Variants in SYNE2 observed in about 807,000 individuals in gnomAD.
SYNE2 encodes spectrin repeat containing nuclear envelope protein 2, also known as nesprin-2.
In SYNE2, 431 loss-of-function variants were observed where a neutral mutation model predicts 856.3. The ratio of observed to expected loss-of-function variants is 0.50; its 90% CI spans 0.47 to 0.55. SYNE2 has a LOEUF of 0.55. SYNE2 is among the 20% of genes least tolerant of loss of function. The pLI, the probability that SYNE2 is intolerant of heterozygous loss-of-function variation, is 0.00. For synonymous variants in SYNE2, 2,923 were observed against 2,872.3 expected, an observed-to-expected ratio of 1.02 and a Z score of -0.56; for missense variants, 8,129 against 8,023.2, an observed-to-expected ratio of 1.01 and a Z score of -0.50.
At position 64,006,564 on chromosome 14, in the gene SYNE2, C is replaced by T. The variant is rs538335930; in HGVS notation, c.4398-479C>T. Among the ~76,000 whole-genome samples, 3 of 152,278 alleles carry T rather than the reference C, an allele frequency of 2.0e-5. No homozygotes were observed. The East Asian group carries it at 5.8e-4, about 29-fold the overall frequency. On this transcript the variant is annotated intron_variant, in intron 30 of 115. Coordinates refer to ENST00000555002, the MANE Select transcript of SYNE2 (RefSeq NM_182914.3). ...GGAAATGCAGCCAGGCACGGTAGCT[C>T]ACACCTGTAATCCCAGCACTTTGGG...
intron 32 of SYNE2, among the ~76,000 whole-genome samples, chr14:64,014,331 T>A (rs1422782990): frequency 1.3e-5 from 2 of 152,188 alleles, no homozygotes; most frequent in Non-Finnish European, 2.9e-5. Context: ...CTGTAAACAT[T>A]TGTAAAGGAG....
intron 100 of SYNE2, chr14:64,204,372 A>C (rs2098595275): frequency 6.6e-6 from 1 of 152,214 alleles, no homozygotes. Flanking sequence ...CCTTGCAAAT[A>C]ACAATTTACC....
At position 64,062,777 on chromosome 14, in the gene SYNE2, G is replaced by A; in HGVS notation, c.10094G>A (p.Arg3365Lys). Residue 3365 changes from arginine to lysine, a missense_variant, in exon 50 of 116, where the codon AGA becomes AAA. This residue lies in a region of SYNE2 where 5,410 missense variants were observed against 5,284.8 expected (regional missense o/e 1.02). Coordinates refer to ENST00000555002, the MANE Select transcript of SYNE2 (RefSeq NM_182914.3). ...ERYLENYKCY[R>K]KMEEDIYTNL... ...TATCTTGAGAATTACAAATGCTATAGAAAAATGGAAGAGGATATTTACACT... is the reference window on the plus strand; with the variant it reads ...TATCTTGAGAATTACAAATGCTATAAAAAAATGGAAGAGGATATTTACACT... 1 of 1,613,878 alleles carries A rather than the reference G, an allele frequency of 6.2e-7. No individual in the cohort carries two copies. Among genetic ancestry groups the A allele is most frequent in the Non-Finnish European group, 8.5e-7 (1 of 1,179,834 alleles).
chr14:63,961,262 T>C (rs2096309969), intron 8 of SYNE2, among the ~76,000 whole-genome samples: 1 of 152,236 alleles, frequency 6.6e-6, no homozygotes, highest in African/African-American at 2.4e-5. Context: ...CCCATAGTGA[T>C]ACTTTATTAT....
chr14:64,052,372 T>C lies in SYNE2; in HGVS notation c.8459T>C (p.Leu2820Ser). The change falls in exon 48 of 116, where the codon TTA (leucine) becomes TCA (serine). Residue 2820 changes from leucine to serine, a missense_variant. By Grantham distance (145) the Leu-to-Ser change is moderately radical. This residue lies in a region of SYNE2 where 5,410 missense variants were observed against 5,284.8 expected (regional missense o/e 1.02). Coordinates refer to ENST00000555002, the MANE Select transcript of SYNE2 (RefSeq NM_182914.3). Reference protein sequence around the residue: ...DLRNQYQMLVLKSTQRSQQLE... With the variant: ...DLRNQYQMLVSKSTQRSQQLE... Reference sequence around the variant, plus strand: ...CGGAATCAATACCAAATGCTGGTTTTAAAATCAACTCAAAGATCACAGCAA... The same window carrying C: ...CGGAATCAATACCAAATGCTGGTTTCAAAATCAACTCAAAGATCACAGCAA... The C allele has an allele frequency of 6.2e-7, 1 of 1,614,174 alleles. No homozygotes were observed. Among genetic ancestry groups the C allele is most frequent in the South Asian group, 1.1e-5 (1 of 91,070 alleles).
At chr14:64,085,011 G>T (rs1400421335) in intron 57 of SYNE2, 1 of 702,206 alleles carries the variant, frequency 1.4e-6, no homozygotes, top group Non-Finnish European at 2.6e-6. Context: ...ATGGCAGCTG[G>T]CTTCCCTCAG....
At chr14:64,159,186 A>T in intron 86 of SYNE2, 126 bp from the exon 87 acceptor site, 1 of 1,296,254 alleles carries the variant, frequency 7.7e-7, no homozygotes, top group Non-Finnish European at 1.1e-6. Flanking sequence ...CACATTCCTA[A>T]TAGTTTATCA....
chr14:63,859,118 T>C (rs979361148), intron 1 of SYNE2, among the ~76,000 whole-genome samples: 1 of 152,112 alleles, frequency 6.6e-6, no homozygotes, highest in Non-Finnish European at 1.5e-5. Context: ...TTCCCAGCCA[T>C]CTACTGGGCA....
intron 92 of SYNE2, among the ~76,000 whole-genome samples, 196 bp from the exon 93 acceptor site, chr14:64,168,681 C>G (rs2098395503): frequency 6.6e-6 from 1 of 152,082 alleles, no homozygotes; most frequent in African/African-American, 2.4e-5. Context: ...ATTATTAGAC[C>G]TGTTTGCTTT....
rs2097904625 is a variant in SYNE2 at position 64,122,406 on chromosome 14, C to G, written c.13401C>G (p.Leu4467=). The stretch of plus-strand genomic sequence containing the variant: ...TCTCATCAAAAATAAAGCTCCCACT[C>G]CCTCAGCTTGTGGAGCCTCAGGTCA... The part of the protein sequence containing the change: ...HELSSKIKLP[L]PQLVEPQVST... Residue 4467 remains leucine (L), a synonymous_variant, in exon 70 of 116, where the codon CTC becomes CTG. Transcript: ENST00000555002. The G allele has an allele frequency of 6.2e-7, 1 of 1,614,174 alleles. No individual in the cohort carries two copies. Among genetic ancestry groups the G allele is most frequent in the East Asian group, 2.2e-5 (1 of 44,872 alleles).
At chr14:64,097,898 C>G (rs2097690333) in intron 61 of SYNE2, 51 bp from the exon 62 acceptor site, 2 of 1,588,796 alleles carry the variant, frequency 1.3e-6, no homozygotes, top group African/African-American at 1.3e-5. Context: ...TGCTCTGGGC[C>G]TGCAGAGGCC....
chr14:63,891,415 T>C (rs561927381), intron 1 of SYNE2, among the ~76,000 whole-genome samples: 4 of 152,092 alleles, frequency 2.6e-5, no homozygotes, highest in African/African-American at 9.7e-5. Flanking sequence ...ACAGGGGTTG[T>C]TAGTAAGGTT....
intron 1 of SYNE2, among the ~76,000 whole-genome samples, chr14:63,810,573 C>T (rs1010681011): frequency 2.0e-5 from 3 of 152,066 alleles, no homozygotes; most frequent in African/African-American, 7.2e-5. Context: ...CTGATGGGTT[C>T]ATGAAACTTA....
chr14:64,032,373 A>G (rs971313588), intron 45 of SYNE2, among the ~76,000 whole-genome samples: 1 of 152,120 alleles, frequency 6.6e-6, no homozygotes, highest in Non-Finnish European at 1.5e-5. Flanking sequence ...GCTGGGCAAC[A>G]TAGCAAGAAC....
chr14:64,031,065 T>C lies in SYNE2; in HGVS notation c.6929T>C (p.Leu2310Ser). ...CAAGATGGCACATTAAAGAAGATTTTAGCTTTAGCAAAATCCGTCAAGCAA... is the reference window on the plus strand; with the variant it reads ...CAAGATGGCACATTAAAGAAGATTTCAGCTTTAGCAAAATCCGTCAAGCAA... ...SLQDGTLKKILALAKSVKQNT... is the reference protein window; with the variant it reads ...SLQDGTLKKISALAKSVKQNT... The change falls in exon 45 of 116, where the codon TTA becomes TCA. Residue 2310 changes from leucine (L) to serine (S), a missense_variant. Coordinates refer to ENST00000555002, the MANE Select transcript of SYNE2 (RefSeq NM_182914.3). 6.2e-7 allele frequency: 1 copy of C among 1,614,102 alleles called. No individual in the cohort carries two copies.
intron 1 of SYNE2, among the ~76,000 whole-genome samples, chr14:63,859,210 AGTGCCAGG>A (rs781702515): frequency 2.0e-5 from 3 of 152,234 alleles, no homozygotes; most frequent in Non-Finnish European, 4.4e-5. Flanking sequence ...AAGTGTTAGT[AGTGCCAGG>A]GTTGAGACAC....
chr14:64,130,194 C>G lies in SYNE2; in HGVS notation c.14286C>G (p.His4762Gln). 6.2e-7 allele frequency: 1 copy of G among 1,613,998 alleles called. No individual in the cohort carries two copies. Among genetic ancestry groups the G allele is most frequent in the Non-Finnish European group, 8.5e-7 (1 of 1,179,984 alleles). The change falls in exon 76 of 116, where the codon CAC (histidine) becomes CAG (glutamine). Residue 4762 changes from histidine to glutamine, a missense_variant. Transcript: ENST00000555002. ...GGAAGGAAAAGCTTGCTCATGGCCA[C>G]TTAAAACAAACCAAAAGTAAAGTGG... is the stretch of plus-strand genomic sequence containing the variant. ...KIGKEKLAHG[H>Q]LKQTKSKVAL... is the part of the protein sequence containing the mutation.
At position 64,014,384 on chromosome 14, in the gene SYNE2, G is replaced by A. The variant is rs1046613679; in HGVS notation, c.4729-2089G>A. The stretch of plus-strand genomic sequence containing the variant: ...TTTTTATTTCTCAGGGATGTGTCCA[G>A]GAGTGTGCTTGCTGGGTCATATGTT... On this transcript the variant is annotated intron_variant, in intron 32 of 115. Transcript: ENST00000555002. 7.9e-5 allele frequency among the ~76,000 whole-genome samples: 12 copies of A among 152,246 alleles called. No individual in the cohort carries two copies. In the South Asian group the frequency reaches 2.5e-3, roughly 32 times the overall value.
chr14:64,035,620 G>A (rs557315634), intron 45 of SYNE2, among the ~76,000 whole-genome samples: 44 of 146,906 alleles, frequency 3.0e-4, no homozygotes, highest in Non-Finnish European at 4.0e-4. Context: ...ATTGTCTAAC[G>A]TAACCCTTTT....
Sources: gnomAD v4.1 joint callset for allele counts (sites outside exome capture counted in the v4.1 genomes callset) on GRCh38, gnomAD v4.1.1 for gene constraint, gnomAD v4.1.1 regional missense constraint, MANE v1.5 for transcripts, NCBI Gene and HGNC (gene_info 2026-07-23, HGNC 2026-07-21) for gene names.